Variants in HAUS6 observed in about 807,000 individuals in gnomAD.
HAUS6 encodes the protein HAUS augmin like complex subunit 6.
In HAUS6, 80 loss-of-function variants were observed where a neutral mutation model predicts 106.8. The ratio of observed to expected loss-of-function variants is 0.75; its 90% confidence interval spans 0.63 to 0.90. HAUS6 has a LOEUF of 0.90. HAUS6 is among the 40% of genes least tolerant of loss of function. The probability of loss-of-function intolerance (pLI) is 0.00; values close to 1 mark genes in which losing one functional copy is unlikely to be tolerated. For missense variants in HAUS6, 1,155 were observed against 1,118.1 expected, an observed-to-expected ratio of 1.03 and a Z score of -0.47; for synonymous variants, 356 against 379.1, an observed-to-expected ratio of 0.94 and a Z score of 0.71.
At chr9:19,090,884 T>G (rs1465103958) in intron 4 of HAUS6, among the ~76,000 whole-genome samples, 1 of 152,224 alleles carries the variant, frequency 6.6e-6, no homozygotes, top group Non-Finnish European at 1.5e-5. Flanking sequence ...GTTCAGGTTT[T>G]TACCTGTAAT....
In HAUS6 at chr9:19,102,801, C is replaced by A; in HGVS notation, c.-150G>T. 1.5e-6 allele frequency: 1 copy of A among 673,072 alleles called. No individual in the cohort carries two copies. Among genetic ancestry groups the A allele is most frequent in the South Asian group, 2.1e-5 (1 of 47,754 alleles). 41.7% of individuals were successfully genotyped at this position (673,072 alleles called of 1,614,324 possible). A position where few individuals can be genotyped will look rare whatever the true frequency, so the allele number is the denominator to read the frequency against. On this transcript the variant is annotated 5_prime_UTR_variant, in exon 1 of 17. Transcript: ENST00000380502. ...TCCTTTCACGCCCAGAGCGATTTCG[C>A]CTCAAAGGGCCTCACAACCTCCGGG...
At chr9:19,076,130 C>G (rs780563953) in intron 11 of HAUS6, among the ~76,000 whole-genome samples, 1 of 151,130 alleles carries the variant, frequency 6.6e-6, no homozygotes, top group Non-Finnish European at 1.5e-5. Flanking sequence ...GAGGCTGAGA[C>G]GGGTCAATCA....
intron 14 of HAUS6, among the ~76,000 whole-genome samples, chr9:19,061,768 G>A (rs369492413): frequency 3.3e-5 from 5 of 152,194 alleles, no homozygotes; most frequent in Non-Finnish European, 5.9e-5. Flanking sequence ...TCAGAAGTTC[G>A]AAGTTACAGT....
At position 19,102,556 on chromosome 9, in the gene HAUS6, G is replaced by A. The variant is rs563049795; in HGVS notation, c.96C>T (p.Cys32=). Residue 32 remains cysteine (C), a synonymous_variant, in exon 1 of 17, where the codon TGC becomes TGT. Coordinates refer to ENST00000380502, the MANE Select transcript of HAUS6 (RefSeq NM_017645.5). ...GGTGCGTGTGCGACACGATCTTTCC[G>A]CAGGCAATGGTTGCCGGGCCTGGCT... ...GFEPGPATIA[C]GKIVSHTHLG... 2.5e-6 allele frequency: 4 copies of A among 1,613,766 alleles called. No homozygotes were observed. The highest frequency in any genetic ancestry group is 2.2e-5 in the South Asian group (2 of 91,050).
intron 2 of HAUS6, 41 bp downstream of exon 2, chr9:19,096,633 T>C (rs745368880): frequency 8.3e-5 from 73 of 878,028 alleles, no homozygotes; most frequent in Non-Finnish European, 1.3e-4. Flanking sequence ...CATTTTCAAA[T>C]TTGGAAAGAA....
chr9:19,089,454 T>C lies in HAUS6; in HGVS notation c.542A>G (p.Gln181Arg), dbSNP rs780571115. 15 of 1,612,226 alleles carry C rather than the reference T, an allele frequency of 9.3e-6. No individual in the cohort carries two copies. Among genetic ancestry groups the C allele is most frequent in the Non-Finnish European group, 1.1e-5 (13 of 1,178,274 alleles). ...FARSRFLQIL[Q>R]RQDCVTQKYQ... ...TTTTTGGGTAACACAATCTTGTCTTTGCAAAATTTGTAAAAATCTGCTACG... is the reference window on the plus strand; with the variant it reads ...TTTTTGGGTAACACAATCTTGTCTTCGCAAAATTTGTAAAAATCTGCTACG... The change falls in exon 5 of 17, where the codon CAA becomes CGA. Residue 181 changes from glutamine (Q) to arginine (R), a missense_variant. By Grantham distance (43) the Gln-to-Arg change is conservative. Around this residue, in one of 3 missense-constraint regions of HAUS6, gnomAD observed 761 missense variants for 690.0 expected, o/e 1.10. Coordinates refer to ENST00000380502, the MANE Select transcript of HAUS6 (RefSeq NM_017645.5).
chr9:19,075,743 CAGG>C (rs1213749496), intron 11 of HAUS6, among the ~76,000 whole-genome samples: 1 of 152,016 alleles, frequency 6.6e-6, no homozygotes, highest in Non-Finnish European at 1.5e-5. Flanking sequence ...CATTCGAGGT[CAGG>C]AGCTCAAGAC....
At chr9:19,093,380 T>C in intron 3 of HAUS6, 77 bp from the exon 4 acceptor site, 1 of 1,291,490 alleles carries the variant, frequency 7.7e-7, no homozygotes, top group East Asian at 2.4e-5. Flanking sequence ...CTATTTTTGT[T>C]AAAGGGTGTG....
At chr9:19,075,375 T>C (rs1337090973) in intron 11 of HAUS6, among the ~76,000 whole-genome samples, 3 of 152,232 alleles carry the variant, frequency 2.0e-5, no homozygotes, top group Admixed American at 6.5e-5. Flanking sequence ...AATGGGTGAA[T>C]TGTATATGTG....
At chr9:19,097,524 G>T (rs1251351830) in intron 1 of HAUS6, among the ~76,000 whole-genome samples, 1 of 152,034 alleles carries the variant, frequency 6.6e-6, no homozygotes. Flanking sequence ...GGCCATCAGA[G>T]AAATGCAAAT....
chr9:19,056,604 T>C (rs982356531), intron 16 of HAUS6, 200 bp from the exon 17 acceptor site: 13 of 478,168 alleles, frequency 2.7e-5, no homozygotes, highest in Non-Finnish European at 4.8e-5. Context: ...GTACTTTTTT[T>C]TTTTTCTTTT....
At chr9:19,081,709 G>C (rs1162662367) in intron 8 of HAUS6, among the ~76,000 whole-genome samples, 1 of 152,104 alleles carries the variant, frequency 6.6e-6, no homozygotes, top group Non-Finnish European at 1.5e-5. Flanking sequence ...AAAGTGTTGG[G>C]ATTATAGGTG....
At chr9:19,073,096 G>C (rs1836913646) in intron 11 of HAUS6, among the ~76,000 whole-genome samples, 1 of 152,006 alleles carries the variant, frequency 6.6e-6, no homozygotes, top group Non-Finnish European at 1.5e-5. Flanking sequence ...TCAGAATAAA[G>C]ATTAGATTCA....
rs890604887 is a variant in HAUS6 at position 19,102,896 on chromosome 9, G to T, written c.-245C>A. 4.0e-5 allele frequency: 15 copies of T among 378,516 alleles called. No homozygotes were observed. Among genetic ancestry groups the T allele is most frequent in the Non-Finnish European group, 4.8e-5 (10 of 208,260 alleles). The allele number at this position is 378,516 out of a possible 1,614,324, so 23.4% of individuals were successfully genotyped here. On this transcript the variant is annotated 5_prime_UTR_variant, in exon 1 of 17. Coordinates refer to ENST00000380502, the MANE Select transcript of HAUS6 (RefSeq NM_017645.5). ...GAAGCCACCACAAACCGAGACTCCC[G>T]CCCTTAAGGAAGAGCAGTGTGCGCC...
At chr9:19,076,955 C>T (rs755654363) in intron 10 of HAUS6, among the ~76,000 whole-genome samples, 4 of 152,126 alleles carry the variant, frequency 2.6e-5, no homozygotes, top group Admixed American at 2.6e-4. Flanking sequence ...GCAGTCCTCC[C>T]ACTTCAGCCT....
At chr9:19,073,634 T>A in intron 11 of HAUS6, among the ~76,000 whole-genome samples, 1 of 142,872 alleles carries the variant, frequency 7.0e-6, no homozygotes, top group African/African-American at 2.6e-5. Flanking sequence ...TGTTGACTAG[T>A]GGATCTCCAA....
chr9:19,082,343 T>C (rs1837169320), intron 8 of HAUS6, among the ~76,000 whole-genome samples: 2 of 152,232 alleles, frequency 1.3e-5, no homozygotes, highest in South Asian at 2.1e-4. Context: ...ATACTGTCTG[T>C]ACTATATGAT....
chr9:19,080,093 G>T (rs771028394), intron 9 of HAUS6, among the ~76,000 whole-genome samples: 13 of 141,640 alleles, frequency 9.2e-5, no homozygotes, highest in Admixed American at 3.0e-4. Flanking sequence ...AGAATCACTT[G>T]AACTCAGGAG....
At chr9:19,096,391 C>G (rs1231397993) in intron 2 of HAUS6, among the ~76,000 whole-genome samples, 2 of 151,776 alleles carry the variant, frequency 1.3e-5, no homozygotes, top group Non-Finnish European at 2.9e-5. Flanking sequence ...AGGGTGAAAC[C>G]CCAGCTCCAA....
Sources: gnomAD v4.1 joint callset for allele counts (sites outside exome capture counted in the v4.1 genomes callset) on GRCh38, gnomAD v4.1.1 for gene constraint, gnomAD v4.1.1 regional missense constraint, MANE v1.5 for transcripts, NCBI Gene and HGNC (gene_info 2026-07-23, HGNC 2026-07-21) for gene names.